SPHKAP: variants seen among roughly 807,000 people sequenced by gnomAD.
SPHKAP encodes SPHK1 interactor, AKAP domain containing.
Under a neutral mutation model 137.5 loss-of-function variants are expected in SPHKAP, and 67 were observed. The observed-to-expected ratio is 0.49, with a 90% CI of 0.40 to 0.60. SPHKAP has a LOEUF of 0.60. Among genes scored for constraint, SPHKAP ranks in the 20% least tolerant of loss-of-function variants. The pLI is 0.00. For missense variants in SPHKAP, 2,097 were observed against 2,069.3 expected, an observed-to-expected ratio of 1.01 and a Z score of -0.26; for synonymous variants, 813 against 785.3, an observed-to-expected ratio of 1.04 and a Z score of -0.59.
chr2:228,039,063 A>G (rs1473586775), intron 3 of SPHKAP, among the ~76,000 whole-genome samples: 1 of 152,232 alleles, frequency 6.6e-6, no homozygotes, highest in African/African-American at 2.4e-5. Context: ...AAAGACCCAT[A>G]AAAGGTGCTA....
At chr2:228,163,704 A>G (rs545942460) in intron 1 of SPHKAP, among the ~76,000 whole-genome samples, 5 of 152,148 alleles carry the variant, frequency 3.3e-5, no homozygotes, top group South Asian at 2.1e-4. Context: ...GCCCTTTGGG[A>G]TAGTCTGGGT....
intron 1 of SPHKAP, among the ~76,000 whole-genome samples, chr2:228,134,460 T>C (rs67086799): frequency 5.3e-5 from 8 of 152,026 alleles, no homozygotes; most frequent in South Asian, 4.1e-4. Context: ...ATCAGAGATG[T>C]CCTAAGTTTT....
At chr2:228,126,526 T>A (rs1343018670) in intron 2 of SPHKAP, among the ~76,000 whole-genome samples, 1 of 152,152 alleles carries the variant, frequency 6.6e-6, no homozygotes, top group Non-Finnish European at 1.5e-5. Context: ...CTAACCTTCC[T>A]AGCTCTTAAA....
intron 7 of SPHKAP, among the ~76,000 whole-genome samples, chr2:228,006,368 C>A (rs368490151): frequency 6.6e-6 from 1 of 152,156 alleles, no homozygotes; most frequent in African/African-American, 2.4e-5. Context: ...ATGTAATTCT[C>A]GTGCCACGGT....
At chr2:228,026,556 T>C (rs1427273641) in intron 4 of SPHKAP, among the ~76,000 whole-genome samples, 1 of 152,176 alleles carries the variant, frequency 6.6e-6, no homozygotes, top group East Asian at 1.9e-4. Context: ...AGACAATTAT[T>C]TCAAATCACT....
intron 3 of SPHKAP, among the ~76,000 whole-genome samples, chr2:228,034,925 T>C (rs1260366353): frequency 1.3e-5 from 2 of 151,690 alleles, no homozygotes; most frequent in African/African-American, 2.4e-5. Context: ...GCCAATATCA[T>C]TCCGGATGGG....
chr2:228,084,581 T>C (rs1450293392), intron 3 of SPHKAP, among the ~76,000 whole-genome samples: 1 of 152,230 alleles, frequency 6.6e-6, no homozygotes, highest in African/African-American at 2.4e-5. Flanking sequence ...TCATCTTAAA[T>C]GTCCTGTGGA....
At position 228,145,751 on chromosome 2, in the gene SPHKAP, G is replaced by A. The variant is rs371996379; in HGVS notation, c.33-13666C>T. ...AGAGTATAAACAGAACTGAGAAAGC[G>A]GGAGCCATGTTGGCCTGCACAGTAT... On this transcript the variant is annotated intron_variant, in intron 1 of 11. Coordinates refer to ENST00000392056, the MANE Select transcript of SPHKAP (RefSeq NM_001142644.2). Among the ~76,000 whole-genome samples the A allele has an allele frequency of 1.1e-4, 17 of 152,084 alleles. 1 individual carries two copies. Among genetic ancestry groups the A allele is most frequent in the East Asian group, 9.6e-4 (5 of 5,198 alleles).
At chr2:228,062,299 GT>G (rs1172175918) in intron 3 of SPHKAP, among the ~76,000 whole-genome samples, 1 of 151,534 alleles carries the variant, frequency 6.6e-6, no homozygotes, top group East Asian at 1.9e-4. Flanking sequence ...TAATTTTTGT[GT>G]TTTTAGTACA....
chr2:228,008,483 C>G (rs1052310799), intron 7 of SPHKAP, among the ~76,000 whole-genome samples: 1 of 151,978 alleles, frequency 6.6e-6, no homozygotes, highest in African/African-American at 2.4e-5. Context: ...TTAGTAGAGA[C>G]AGCATTTCAC....
At chr2:228,037,611 C>T (rs1695673055) in intron 3 of SPHKAP, among the ~76,000 whole-genome samples, 1 of 151,900 alleles carries the variant, frequency 6.6e-6, no homozygotes, top group Non-Finnish European at 1.5e-5. Flanking sequence ...CAGAACCCCC[C>T]TCAATTTCCC....
At chr2:228,104,258 T>A (rs1230388747) in intron 3 of SPHKAP, among the ~76,000 whole-genome samples, 3 of 129,104 alleles carry the variant, frequency 2.3e-5, no homozygotes, top group African/African-American at 8.6e-5. Context: ...ATATTATATA[T>A]ATCATTATAT....
intron 7 of SPHKAP, among the ~76,000 whole-genome samples, chr2:228,003,710 A>G (rs1694002501): frequency 6.6e-6 from 1 of 152,202 alleles, no homozygotes; most frequent in South Asian, 2.1e-4. Flanking sequence ...TGTCATAAAT[A>G]GCCCTTATTA....
intron 3 of SPHKAP, among the ~76,000 whole-genome samples, chr2:228,036,784 C>T (rs948195404): frequency 6.7e-6 from 1 of 149,974 alleles, no homozygotes; most frequent in Non-Finnish European, 1.5e-5. Flanking sequence ...ATCGCAAGGA[C>T]AAAAAACCAG....
intron 3 of SPHKAP, among the ~76,000 whole-genome samples, chr2:228,087,132 C>G (rs1213396879): frequency 6.6e-6 from 1 of 152,132 alleles, no homozygotes; most frequent in Non-Finnish European, 1.5e-5. Flanking sequence ...CAAAGAGACC[C>G]ATGCTAAGAC....
intron 3 of SPHKAP, among the ~76,000 whole-genome samples, chr2:228,064,568 C>G (rs1402335945): frequency 6.6e-6 from 1 of 152,118 alleles, no homozygotes; most frequent in African/African-American, 2.4e-5. Flanking sequence ...TAGCTTTATT[C>G]CTGGGGCGTA....
chr2:228,125,279 A>G (rs896690419), intron 2 of SPHKAP, among the ~76,000 whole-genome samples: 1 of 152,214 alleles, frequency 6.6e-6, no homozygotes, highest in East Asian at 1.9e-4. Flanking sequence ...TATGACATTG[A>G]ATATAATGCT....
chr2:228,171,397 G>C (rs1352441603), intron 1 of SPHKAP, among the ~76,000 whole-genome samples: 2 of 152,006 alleles, frequency 1.3e-5, no homozygotes, highest in African/African-American at 2.4e-5. Flanking sequence ...ACATCCAATG[G>C]GTTCCCATTT....
chr2:228,116,957 G>C (rs1315442717), intron 2 of SPHKAP, among the ~76,000 whole-genome samples: 1 of 151,988 alleles, frequency 6.6e-6, no homozygotes, highest in East Asian at 1.9e-4. Flanking sequence ...CCTGCTCCCT[G>C]AAGTTTTCAT....
Sources: allele counts gnomAD v4.1 joint callset (sites outside exome capture counted in the v4.1 genomes callset), GRCh38; gene constraint gnomAD v4.1.1; transcripts MANE v1.5; gene names NCBI Gene and HGNC (gene_info 2026-07-23, HGNC 2026-07-21).